Variants in CIT observed in about 807,000 individuals in gnomAD.
The protein encoded by CIT is citron Rho-interacting kinase.
Under a neutral mutation model 272.7 loss-of-function variants are expected in CIT, and 79 were observed. The observed-to-expected ratio is 0.29, with a 90% CI of 0.24 to 0.35. CIT has a LOEUF of 0.35. Among genes scored for constraint, CIT ranks in the 10% least tolerant of loss-of-function variants. The pLI is 1.00. For synonymous variants in CIT, 948 were observed against 995.6 expected (o/e 0.95, Z 0.90); for missense variants, 1,909 against 2,618.3 (o/e 0.73, Z 5.91).
Position 119,772,774 on chromosome 12 carries a change from G to A in CIT, c.2078C>T (p.Ala693Val), listed in dbSNP as rs1963314346. ...GGCTGGAGGTTCCCTGCTCACCTCA[G>A]CTTCCACCAGCTTCTTTCTGATGCC... ...SEGIRKKLVE[A>V]EERRHSLENK... is the part of the protein sequence containing the mutation. The change falls in exon 17 of 48, where the codon GCT becomes GTT. Residue 693 changes from alanine to valine, a missense_variant. Ala to Val is a moderately conservative substitution (Grantham distance 64, BLOSUM62 0). This residue lies in a region of CIT where 530 missense variants were observed against 822.4 expected (regional missense o/e 0.64). Coordinates refer to ENST00000392521, the MANE Select transcript of CIT (RefSeq NM_001206999.2). 6.2e-7 allele frequency: 1 copy of A among 1,612,962 alleles called. No individual in the cohort carries two copies. Among genetic ancestry groups the A allele is most frequent in the Admixed American group, 1.7e-5 (1 of 59,888 alleles).
intron 5 of CIT, 71 bp downstream of exon 5, chr12:119,850,103 T>G: frequency 2.1e-6 from 2 of 960,744 alleles, no homozygotes; most frequent in Non-Finnish European, 3.4e-6. Flanking sequence ...AGAACAACAT[T>G]CAGTTCTACC....
intron 23 of CIT, among the ~76,000 whole-genome samples, chr12:119,751,439 G>A (rs575273186): frequency 1.5e-4 from 22 of 151,384 alleles, no homozygotes; most frequent in East Asian, 5.9e-4. Context: ...TAACACCCCC[G>A]CTCCAAGTTC....
chr12:119,785,623 G>GTGCAACCTCGGCTCAC (rs574142889), intron 10 of CIT, among the ~76,000 whole-genome samples: 2 of 152,044 alleles, frequency 1.3e-5, no homozygotes, highest in East Asian at 3.9e-4. Context: ...GAGTGCAGTG[G>GTGCAACCTCGGCTCAC]TGCAACCTCG....
chr12:119,787,113 C>T (rs893482497), intron 10 of CIT, among the ~76,000 whole-genome samples: 31 of 152,034 alleles, frequency 2.0e-4, no homozygotes, highest in Non-Finnish European at 5.9e-5. Context: ...TACAGGCACG[C>T]ACCACCACAC....
Position 119,812,768 on chromosome 12 carries a change from T to TGG in CIT, c.1112-9381_1112-9380dup, listed in dbSNP as rs1248753902. 1.2e-4 allele frequency among the ~76,000 whole-genome samples: 18 copies of TGG among 146,980 alleles called. No homozygotes were observed. In the East Asian group the frequency reaches 3.6e-3, roughly 30 times the overall value. ...TAATTTTTTTTTTTTTTTTTTGAGA[T>TGG]GGAGTCTTGCTCTTTCGCCCAGGTT... On this transcript the variant is annotated intron_variant, in intron 9 of 47. Transcript: ENST00000392521.
chr12:119,753,518 C>T (rs149558833), intron 22 of CIT, among the ~76,000 whole-genome samples: 2,387 of 152,038 alleles, frequency 0.016, 73 homozygotes, highest in African/African-American at 0.055. Context: ...GGGCAGATCA[C>T]GAGGTCAGGA....
rs775895245 is a variant in CIT at position 119,702,789 on chromosome 12, T to C, written c.5305-831A>G. 1.9e-4 allele frequency among the ~76,000 whole-genome samples: 29 copies of C among 151,546 alleles called. 1 individual carries two copies. The highest frequency in any genetic ancestry group is 4.0e-4 in the Non-Finnish European group (27 of 67,872). On this transcript the variant is annotated intron_variant, in intron 41 of 47. Coordinates refer to ENST00000392521, the MANE Select transcript of CIT (RefSeq NM_001206999.2). ...ACAGGAAAAAAAAATACAGGAAAAA[T>C]ACAACAACTATTAACAGTGGTGGTC...
At chr12:119,795,170 T>A (rs1029463044) in intron 10 of CIT, among the ~76,000 whole-genome samples, 1 of 152,086 alleles carries the variant, frequency 6.6e-6, no homozygotes, top group African/African-American at 2.4e-5. Flanking sequence ...TCACTTGAGG[T>A]CAGGAGTTCA....
At chr12:119,826,644 C>T (rs965509249) in intron 7 of CIT, among the ~76,000 whole-genome samples, 1 of 152,168 alleles carries the variant, frequency 6.6e-6, no homozygotes, top group African/African-American at 2.4e-5. Context: ...CAGAGAGGCC[C>T]TGATTTTAGC....
intron 4 of CIT, among the ~76,000 whole-genome samples, chr12:119,854,491 AC>A (rs1970448008): frequency 6.6e-6 from 1 of 151,096 alleles, no homozygotes; most frequent in Admixed American, 6.6e-5. Flanking sequence ...GATACAAAAA[AC>A]ATTAGCCAGG....
At chr12:119,827,725 C>T (rs745728247) in intron 7 of CIT, among the ~76,000 whole-genome samples, 2 of 152,136 alleles carry the variant, frequency 1.3e-5, no homozygotes, top group East Asian at 1.9e-4. Flanking sequence ...GTGTGAGCCA[C>T]GGAGCCTGGC....
intron 23 of CIT, among the ~76,000 whole-genome samples, chr12:119,743,091 T>C (rs1199868166): frequency 2.6e-5 from 4 of 152,158 alleles, no homozygotes; most frequent in African/African-American, 9.7e-5. Context: ...TTTTAGTGCA[T>C]ACTATATGCT....
At chr12:119,853,080 A>G (rs1267264287) in intron 4 of CIT, among the ~76,000 whole-genome samples, 2 of 152,092 alleles carry the variant, frequency 1.3e-5, no homozygotes, top group Non-Finnish European at 2.9e-5. Context: ...TAATCCCAGC[A>G]CTTTGGGAGG....
chr12:119,859,245 C>T (rs1468664578), intron 3 of CIT, among the ~76,000 whole-genome samples: 3 of 152,110 alleles, frequency 2.0e-5, no homozygotes, highest in Non-Finnish European at 4.4e-5. Context: ...CTGGAAAATC[C>T]GGCAGAAAGA....
At chr12:119,788,060 G>A (rs1362435262) in intron 10 of CIT, among the ~76,000 whole-genome samples, 1 of 152,156 alleles carries the variant, frequency 6.6e-6, no homozygotes, top group Non-Finnish European at 1.5e-5. Flanking sequence ...AAACTCAGGG[G>A]GCTGAATTTG....
intron 4 of CIT, among the ~76,000 whole-genome samples, chr12:119,851,312 T>C (rs1010967496): frequency 6.6e-6 from 1 of 152,216 alleles, no homozygotes; most frequent in African/African-American, 2.4e-5. Flanking sequence ...GGATATATTG[T>C]ATATACGTAT....
intron 4 of CIT, among the ~76,000 whole-genome samples, chr12:119,852,356 A>C (rs1173426231): frequency 6.6e-6 from 1 of 152,188 alleles, no homozygotes; most frequent in African/African-American, 2.4e-5. Context: ...AGATTGAAGG[A>C]GACTAAAGAG....
intron 10 of CIT, among the ~76,000 whole-genome samples, chr12:119,791,130 TTCAA>T (rs1965274946): frequency 6.6e-6 from 1 of 152,172 alleles, no homozygotes; most frequent in African/African-American, 2.4e-5. Context: ...AGAACCCCAG[TTCAA>T]AGCTGAGGCT....
chr12:119,863,679 A>C (rs1322661098), intron 3 of CIT, among the ~76,000 whole-genome samples: 1 of 151,708 alleles, frequency 6.6e-6, no homozygotes, highest in Non-Finnish European at 1.5e-5. Flanking sequence ...AGCACACGCC[A>C]CCATGCCTGG....
Sources: gnomAD v4.1 joint callset for allele counts (sites outside exome capture counted in the v4.1 genomes callset) on GRCh38, gnomAD v4.1.1 for gene constraint, gnomAD v4.1.1 regional missense constraint, MANE v1.5 for transcripts, NCBI Gene and HGNC (gene_info 2026-07-23, HGNC 2026-07-21) for gene names.